The following OSBP2 variants were observed in gnomAD, a reference collection of about 807,000 sequenced individuals.
OSBP2 encodes oxysterol binding protein 2, also known as oxysterol-binding protein 2.
In OSBP2, 66 loss-of-function variants were observed where a neutral mutation model predicts 96.0. The ratio of observed to expected loss-of-function variants is 0.69; its 90% CI spans 0.56 to 0.84. The LOEUF is 0.84. Ranked by LOEUF, OSBP2 falls within the 40% of genes least tolerant of loss-of-function variation. The probability of loss-of-function intolerance (pLI) is 0.00; values close to 1 mark genes in which losing one functional copy is unlikely to be tolerated. For synonymous variants in OSBP2, 525 were observed against 520.9 expected, an observed-to-expected ratio of 1.01 and a Z score of -0.11; for missense variants, 1,038 against 1,222.7, an observed-to-expected ratio of 0.85 and a Z score of 2.25.
chr22:30,834,487 C>G (rs949562482), intron 2 of OSBP2, among the ~76,000 whole-genome samples: 2 of 152,174 alleles, frequency 1.3e-5, no homozygotes, highest in Non-Finnish European at 2.9e-5. Context: ...TCCTCTAAAT[C>G]CTTGCTCTAA....
chr22:30,873,759 T>C (rs2039513054), intron 3 of OSBP2, among the ~76,000 whole-genome samples: 1 of 152,246 alleles, frequency 6.6e-6, no homozygotes, highest in African/African-American at 2.4e-5. Context: ...TGGGCTCTGA[T>C]TGAGCCGGAT....
At chr22:30,764,857 T>C (rs2090251384) in intron 2 of OSBP2, among the ~76,000 whole-genome samples, 1 of 152,090 alleles carries the variant, frequency 6.6e-6, no homozygotes, top group Non-Finnish European at 1.5e-5. Context: ...ATGAACTCAC[T>C]TGAGTGAAAA....
intron 1 of OSBP2, among the ~76,000 whole-genome samples, chr22:30,717,090 T>TTTTTTTGTGTGTG (rs71328866): frequency 1.9e-4 from 22 of 118,412 alleles, no homozygotes; most frequent in African/African-American, 6.0e-4. Context: ...TTTACTGTTT[T>TTTTTTTGTGTGTG]TGTGTGTGTG....
chr22:30,864,469 G>A (rs1286313102), intron 2 of OSBP2, among the ~76,000 whole-genome samples: 1 of 152,234 alleles, frequency 6.6e-6, no homozygotes, highest in Non-Finnish European at 1.5e-5. Flanking sequence ...GCCCAAGGCA[G>A]CACGAAGGGT....
intron 2 of OSBP2, among the ~76,000 whole-genome samples, chr22:30,805,933 A>C (rs2090922721): frequency 6.6e-6 from 1 of 152,216 alleles, no homozygotes; most frequent in African/African-American, 2.4e-5. Context: ...GTTTTGTTAC[A>C]TGGAGAGGCT....
intron 2 of OSBP2, among the ~76,000 whole-genome samples, chr22:30,819,436 G>T (rs533681413): frequency 6.6e-6 from 1 of 152,342 alleles, no homozygotes; most frequent in East Asian, 1.9e-4. Context: ...AGGACTCAGG[G>T]CAGCCAGTGG....
intron 2 of OSBP2, among the ~76,000 whole-genome samples, chr22:30,858,005 G>A (rs1002644940): frequency 2.0e-5 from 3 of 152,164 alleles, no homozygotes; most frequent in Admixed American, 6.5e-5. Flanking sequence ...GAGGGTGTCC[G>A]GAGAAAGTAT....
intron 2 of OSBP2, among the ~76,000 whole-genome samples, chr22:30,858,644 T>G (rs1041048453): frequency 2.0e-5 from 3 of 151,358 alleles, no homozygotes; most frequent in Admixed American, 2.0e-4. Flanking sequence ...TTTGGGAGGC[T>G]GAGGCGGGCA....
intron 2 of OSBP2, among the ~76,000 whole-genome samples, chr22:30,744,205 C>T (rs2012122516): frequency 6.6e-6 from 1 of 152,174 alleles, no homozygotes; most frequent in South Asian, 2.1e-4. Context: ...AGGCAAGGTC[C>T]TCCTCTCTAA....
intron 1 of OSBP2, among the ~76,000 whole-genome samples, chr22:30,701,344 C>CTTTTTTTTTTT (rs1228654999): frequency 1.1e-4 from 14 of 127,988 alleles, no homozygotes; most frequent in Admixed American, 1.8e-4. Context: ...TTTTTCTTTT[C>CTTTTTTTTTTT]TTTTTTTTTT....
chr22:30,746,957 G>T (rs999315901), intron 2 of OSBP2, among the ~76,000 whole-genome samples: 1 of 152,140 alleles, frequency 6.6e-6, no homozygotes, highest in Non-Finnish European at 1.5e-5. Context: ...AGTATTTAAA[G>T]GACTATACAC....
At chr22:30,711,397 C>T (rs538608122) in intron 1 of OSBP2, among the ~76,000 whole-genome samples, 2 of 151,752 alleles carry the variant, frequency 1.3e-5, no homozygotes, top group South Asian at 4.2e-4. Context: ...TGTGTTTGTT[C>T]TCTTTAAAGA....
At chr22:30,897,188 C>T (rs1428556665) in intron 12 of OSBP2, among the ~76,000 whole-genome samples, 1 of 152,094 alleles carries the variant, frequency 6.6e-6, no homozygotes, top group African/African-American at 2.4e-5. Context: ...AAACATTATG[C>T]ATATAATTAA....
chr22:30,894,888 A>C (rs1051481014), intron 12 of OSBP2, among the ~76,000 whole-genome samples: 4 of 152,342 alleles, frequency 2.6e-5, no homozygotes, highest in African/African-American at 9.6e-5. Context: ...ACCATCTTTA[A>C]AGAATGAAGG....
chr22:30,902,151 A>AAAAC, intron 12 of OSBP2: 1 of 446,618 alleles, frequency 2.2e-6, no homozygotes, highest in Non-Finnish European at 3.8e-6. Context: ...AAAAAAAAAA[A>AAAAC]ACAGAGGGTC....
chr22:30,832,974 A>G (rs2038559393), intron 2 of OSBP2, among the ~76,000 whole-genome samples: 1 of 152,240 alleles, frequency 6.6e-6, no homozygotes, highest in Non-Finnish European at 1.5e-5. Context: ...CTCATGGGAA[A>G]TGTGGCCATA....
intron 2 of OSBP2, among the ~76,000 whole-genome samples, chr22:30,868,248 C>A (rs558252729): frequency 6.6e-6 from 1 of 152,376 alleles, no homozygotes; most frequent in South Asian, 2.1e-4. Context: ...CAGATCCCAA[C>A]CCTGCCCCTC....
chr22:30,737,631 A>C (rs1044132158), intron 1 of OSBP2, among the ~76,000 whole-genome samples: 1 of 151,730 alleles, frequency 6.6e-6, no homozygotes, highest in African/African-American at 2.4e-5. Context: ...GCCCAACCTA[A>C]CTTCAAGAAC....
Position 30,724,648 on chromosome 22 carries a change from G to T in OSBP2, c.645-16513G>T, listed in dbSNP as rs2089611881. Among the ~76,000 whole-genome samples the T allele has an allele frequency of 2.6e-5, 4 of 152,256 alleles. No individual in the cohort carries two copies. The South Asian group carries it at 8.3e-4, about 32-fold the overall frequency. Reference sequence around the variant, plus strand: ...ACATTTTGGTTGCATGCGTATTTTGGCAGTTATGAATAAAGCTGCTATAAA... The same window carrying T: ...ACATTTTGGTTGCATGCGTATTTTGTCAGTTATGAATAAAGCTGCTATAAA... On this transcript the variant is annotated intron_variant, in intron 1 of 13. Transcript: ENST00000332585.
Sources: gnomAD v4.1 joint callset for allele counts (sites outside exome capture counted in the v4.1 genomes callset) on GRCh38, gnomAD v4.1.1 for gene constraint, MANE v1.5 for transcripts, NCBI Gene and HGNC (gene_info 2026-07-23, HGNC 2026-07-21) for gene names.